The following ADAMTS6 variants were observed in gnomAD, a reference collection of about 807,000 sequenced individuals.
ADAMTS6 encodes the protein A disintegrin and metalloproteinase with thrombospondin motifs 6.
A neutral mutation model predicts 144.3 loss-of-function variants in ADAMTS6; 23 were observed. The observed-to-expected ratio is 0.16, with a 90% confidence interval of 0.11 to 0.23. The LOEUF (loss-of-function observed/expected upper bound fraction) is 0.23. Among genes scored for constraint, ADAMTS6 ranks in the 10% least tolerant of loss-of-function variants. The pLI is 1.00. For missense variants in ADAMTS6, 999 were observed against 1,379.6 expected, an observed-to-expected ratio of 0.72 and a Z score of 4.37; for synonymous variants, 444 against 457.5, an observed-to-expected ratio of 0.97 and a Z score of 0.38.
chr5:65,287,971 C>T (rs527911643), intron 11 of ADAMTS6, among the ~76,000 whole-genome samples: 1 of 152,230 alleles, frequency 6.6e-6, no homozygotes, highest in South Asian at 2.1e-4. Flanking sequence ...CTGTTTTGTT[C>T]TTTGTATTTA....
intron 7 of ADAMTS6, among the ~76,000 whole-genome samples, chr5:65,386,972 A>G (rs2150142416): frequency 6.6e-6 from 1 of 152,340 alleles, no homozygotes; most frequent in South Asian, 2.1e-4. Flanking sequence ...TTATTGAAAA[A>G]CAAAGATGAC....
intron 22 of ADAMTS6, among the ~76,000 whole-genome samples, chr5:65,179,831 C>T (rs1245498533): frequency 6.6e-6 from 1 of 152,082 alleles, no homozygotes; most frequent in Non-Finnish European, 1.5e-5. Flanking sequence ...ACACCATCAG[C>T]CTGTTTTATA....
At chr5:65,210,510 T>A in intron 20 of ADAMTS6, 1 of 367,568 alleles carries the variant, frequency 2.7e-6, no homozygotes. Context: ...GAGATGAATA[T>A]AATGTGGAAA....
chr5:65,352,476 A>C (rs1748946510), intron 7 of ADAMTS6, among the ~76,000 whole-genome samples: 1 of 152,272 alleles, frequency 6.6e-6, no homozygotes, highest in South Asian at 2.1e-4. Flanking sequence ...GGGGTAAGAA[A>C]CTGTTGCTTA....
At chr5:65,406,768 G>A (rs1470492459) in intron 7 of ADAMTS6, among the ~76,000 whole-genome samples, 1 of 151,866 alleles carries the variant, frequency 6.6e-6, no homozygotes, top group African/African-American at 2.4e-5. Flanking sequence ...TATAATATTG[G>A]CTGTGGGTTT....
At chr5:65,362,767 G>A (rs553738372) in intron 7 of ADAMTS6, among the ~76,000 whole-genome samples, 11 of 152,182 alleles carry the variant, frequency 7.2e-5, no homozygotes, top group African/African-American at 2.6e-4. Flanking sequence ...TGGTGCGAGA[G>A]ACAAATAGAG....
chr5:65,357,881 T>A (rs186369161), intron 7 of ADAMTS6, among the ~76,000 whole-genome samples: 1 of 151,984 alleles, frequency 6.6e-6, no homozygotes, highest in Admixed American at 6.6e-5. Context: ...GACTAATGGC[T>A]TCACTAGTGA....
chr5:65,224,447 T>C (rs753944575), intron 17 of ADAMTS6, 47 bp from the exon 18 acceptor site: 1 of 1,495,204 alleles, frequency 6.7e-7, no homozygotes, highest in Admixed American at 1.7e-5. Context: ...GGTCAGGAAA[T>C]GAGTATTTGG....
chr5:65,185,209 T>TAA (rs1171680811), intron 22 of ADAMTS6, among the ~76,000 whole-genome samples: 1 of 152,188 alleles, frequency 6.6e-6, no homozygotes, highest in Non-Finnish European at 1.5e-5. Flanking sequence ...GACATCTATT[T>TAA]AACGTTATTT....
rs542865962 is a variant in ADAMTS6, at chr5:65,309,805, T to A, written c.1224-9674A>T. ...TCATTCTTGGAACCCTGAAAAAATT[T>A]GCTCTAAAAATAATGGTATAGCTGG... On this transcript the variant is annotated intron_variant, in intron 9 of 24. Coordinates refer to ENST00000381055, the MANE Select transcript of ADAMTS6 (RefSeq NM_197941.4). 3.3e-5 allele frequency among the ~76,000 whole-genome samples: 5 copies of A among 152,070 alleles called. No homozygotes were observed. In the South Asian group the frequency reaches 1.0e-3, roughly 32 times the overall value.
chr5:65,466,990 C>G (rs1489982138), intron 3 of ADAMTS6, among the ~76,000 whole-genome samples: 1 of 148,386 alleles, frequency 6.7e-6, no homozygotes, highest in African/African-American at 2.5e-5. Flanking sequence ...TGCAGTGAGC[C>G]AAGATTGCGC....
At chr5:65,326,772 T>G (rs965168952) in intron 9 of ADAMTS6, among the ~76,000 whole-genome samples, 1 of 152,138 alleles carries the variant, frequency 6.6e-6, no homozygotes, top group African/African-American at 2.4e-5. Context: ...TCAGGAAGAA[T>G]AGAGATCACT....
At chr5:65,295,469 T>C (rs1256586811) in intron 10 of ADAMTS6, among the ~76,000 whole-genome samples, 1 of 152,118 alleles carries the variant, frequency 6.6e-6, no homozygotes, top group Non-Finnish European at 1.5e-5. Context: ...GGTTTGTATG[T>C]TGGTGTAATA....
chr5:65,190,233 T>C (rs1176604759), intron 21 of ADAMTS6, among the ~76,000 whole-genome samples: 4 of 152,246 alleles, frequency 2.6e-5, no homozygotes, highest in African/African-American at 4.8e-5. Flanking sequence ...TAAAGAATGA[T>C]GATTTAATTT....
chr5:65,320,062 C>G (rs770463732), intron 9 of ADAMTS6, among the ~76,000 whole-genome samples: 8 of 152,106 alleles, frequency 5.3e-5, no homozygotes, highest in Non-Finnish European at 1.2e-4. Flanking sequence ...AGGCTGGTCT[C>G]GAACTCCCCA....
chr5:65,163,916 C>T (rs1752951982), intron 24 of ADAMTS6, among the ~76,000 whole-genome samples: 1 of 152,108 alleles, frequency 6.6e-6, no homozygotes, highest in African/African-American at 2.4e-5. Context: ...AAAGAAATTA[C>T]TTTCATTTAA....
At chr5:65,299,920 T>A (rs1270320019) in intron 10 of ADAMTS6, 65 bp downstream of exon 10, 2 of 1,540,328 alleles carry the variant, frequency 1.3e-6, no homozygotes, top group Non-Finnish European at 1.8e-6. Context: ...AAGCACTACA[T>A]GTTAGGCTTC....
intron 3 of ADAMTS6, 96 bp from the exon 4 acceptor site, chr5:65,460,434 C>A: frequency 8.8e-7 from 1 of 1,140,914 alleles, no homozygotes; most frequent in Non-Finnish European, 1.2e-6. Flanking sequence ...GACACTTCTC[C>A]ATTTACAGGG....
intron 9 of ADAMTS6, among the ~76,000 whole-genome samples, chr5:65,310,039 C>G (rs1323271030): frequency 6.6e-6 from 1 of 151,968 alleles, no homozygotes; most frequent in African/African-American, 2.4e-5. Flanking sequence ...GGTACCACCC[C>G]CACTTGGTAC....
Sources: gnomAD v4.1 joint callset for allele counts (sites outside exome capture counted in the v4.1 genomes callset) on GRCh38, gnomAD v4.1.1 for gene constraint, MANE v1.5 for transcripts, NCBI Gene and HGNC (gene_info 2026-07-23, HGNC 2026-07-21) for gene names.